Variants in FHIT observed in about 807,000 individuals in gnomAD.
The protein encoded by FHIT is fragile histidine triad diadenosine triphosphatase.
In FHIT, 19 loss-of-function variants were observed where a neutral mutation model predicts 17.9. The ratio of observed to expected loss-of-function variants is 1.06; its 90% confidence interval spans 0.74 to 1.56. The LOEUF (loss-of-function observed/expected upper bound fraction) is 1.56. Ranked by LOEUF, FHIT falls within the 40% of genes most tolerant of loss-of-function variation. The probability of loss-of-function intolerance (pLI) is 0.00; values close to 1 mark genes in which losing one functional copy is unlikely to be tolerated. For missense variants in FHIT, 248 were observed against 189.2 expected, an observed-to-expected ratio of 1.31 and a Z score of -1.82; for synonymous variants, 81 against 69.7, an observed-to-expected ratio of 1.16 and a Z score of -0.81.
At chr3:60,567,350 C>A (rs144506635) in intron 4 of FHIT, among the ~76,000 whole-genome samples, 2 of 150,136 alleles carry the variant, frequency 1.3e-5, no homozygotes, top group Admixed American at 1.3e-4. Flanking sequence ...ACAAAAGAAA[C>A]GGGGAAAGGA....
intron 4 of FHIT, among the ~76,000 whole-genome samples, chr3:60,630,181 G>A (rs1289029286): frequency 6.6e-6 from 1 of 152,096 alleles, no homozygotes; most frequent in African/African-American, 2.4e-5. Context: ...CTTCATTTTC[G>A]AAGTTATCTC....
At chr3:60,337,652 C>G (rs1253819299) in intron 5 of FHIT, among the ~76,000 whole-genome samples, 1 of 152,172 alleles carries the variant, frequency 6.6e-6, no homozygotes. Flanking sequence ...GCCGTGCTGT[C>G]TCGTACACCC....
chr3:60,405,443 C>T (rs1027841528), intron 5 of FHIT, among the ~76,000 whole-genome samples: 4 of 152,222 alleles, frequency 2.6e-5, no homozygotes, highest in Non-Finnish European at 5.9e-5. Context: ...GACCCCTCTC[C>T]ACTGAAAGCT....
rs192833515 is a variant in FHIT at position 61,030,024 on chromosome 3, C to T, written c.-111+12023G>A. 4.7e-4 allele frequency among the ~76,000 whole-genome samples: 71 copies of T among 152,304 alleles called. No homozygotes were observed. In the East Asian group the frequency reaches 9.8e-3, roughly 21 times the overall value. On this transcript the variant is annotated intron_variant, in intron 3 of 9. Coordinates refer to ENST00000492590, the MANE Select transcript of FHIT (RefSeq NM_002012.4). ...TCACTCTGTGGCCCAGGCTGGGGTG[C>T]AGTGGTACTATCTCAGCTAACTGCA...
chr3:60,833,198 T>C (rs782580753), intron 3 of FHIT, among the ~76,000 whole-genome samples: 1 of 152,136 alleles, frequency 6.6e-6, no homozygotes, highest in Non-Finnish European at 1.5e-5. Flanking sequence ...ATTATACCCA[T>C]CCTCAGCTAT....
chr3:59,832,250 C>T (rs1701189897), intron 8 of FHIT, among the ~76,000 whole-genome samples: 1 of 152,082 alleles, frequency 6.6e-6, no homozygotes. Flanking sequence ...GGGAGCAAAT[C>T]GAGGGGCAAA....
At chr3:61,049,326 T>C (rs1157413874) in intron 2 of FHIT, among the ~76,000 whole-genome samples, 1 of 151,834 alleles carries the variant, frequency 6.6e-6, no homozygotes, top group East Asian at 1.9e-4. Context: ...GTGAACTGTA[T>C]ATCAGAGTAA....
intron 5 of FHIT, among the ~76,000 whole-genome samples, chr3:60,200,151 C>G (rs1157460961): frequency 1.3e-5 from 2 of 152,092 alleles, no homozygotes; most frequent in African/African-American, 4.8e-5. Context: ...AACAGGGTGT[C>G]TCCATCCAGA....
At chr3:60,323,521 G>A (rs1288001133) in intron 5 of FHIT, among the ~76,000 whole-genome samples, 10 of 152,072 alleles carry the variant, frequency 6.6e-5, no homozygotes, top group African/African-American at 2.2e-4. Flanking sequence ...ACATCGCCCT[G>A]CAGGCTGGAA....
At chr3:61,154,271 G>A (rs1376597838) in intron 2 of FHIT, among the ~76,000 whole-genome samples, 2 of 152,224 alleles carry the variant, frequency 1.3e-5, no homozygotes, top group South Asian at 2.1e-4. Flanking sequence ...TAAATGAACC[G>A]AACATATTAC....
At chr3:61,014,807 A>AAAAAAAAAAAATAT in intron 3 of FHIT, among the ~76,000 whole-genome samples, 1 of 49,102 alleles carries the variant, frequency 2.0e-5, no homozygotes, top group African/African-American at 5.4e-5. Context: ...AAAAAAAAAA[A>AAAAAAAAAAAATAT]ATATATATAT....
At chr3:60,241,810 G>A (rs939903160) in intron 5 of FHIT, among the ~76,000 whole-genome samples, 3 of 151,906 alleles carry the variant, frequency 2.0e-5, no homozygotes, top group Non-Finnish European at 4.4e-5. Context: ...TAAGACAAAG[G>A]GACTGCTATA....
chr3:60,076,663 T>G (rs1168069002), intron 5 of FHIT, among the ~76,000 whole-genome samples: 2 of 151,868 alleles, frequency 1.3e-5, no homozygotes, highest in East Asian at 1.9e-4. Context: ...CCTAACAGAG[T>G]GATAATAATG....
intron 2 of FHIT, among the ~76,000 whole-genome samples, chr3:61,150,932 T>C (rs534701077): frequency 6.6e-6 from 1 of 152,222 alleles, no homozygotes; most frequent in Admixed American, 6.5e-5. Context: ...TACCACCAAA[T>C]TGCATTCATG....
chr3:60,256,689 G>A (rs1168605600), intron 5 of FHIT, among the ~76,000 whole-genome samples: 2 of 152,076 alleles, frequency 1.3e-5, no homozygotes, highest in East Asian at 3.9e-4. Context: ...ATCCCACCTT[G>A]GTTTAGTACC....
chr3:60,706,516 T>G (rs1202652913), intron 4 of FHIT, among the ~76,000 whole-genome samples: 1 of 152,198 alleles, frequency 6.6e-6, no homozygotes, highest in Non-Finnish European at 1.5e-5. Context: ...AGTCTTTGGG[T>G]TAGAATGAAC....
intron 5 of FHIT, among the ~76,000 whole-genome samples, chr3:60,062,452 T>TA (rs1220572359): frequency 6.6e-6 from 1 of 152,210 alleles, no homozygotes; most frequent in Non-Finnish European, 1.5e-5. Flanking sequence ...TTCCAACATT[T>TA]AAAACAATCC....
chr3:61,062,996 G>A (rs530866380), intron 2 of FHIT, among the ~76,000 whole-genome samples: 3 of 152,026 alleles, frequency 2.0e-5, no homozygotes, highest in East Asian at 1.9e-4. Flanking sequence ...CATCATCTTC[G>A]TCAAGATTAG....
intron 2 of FHIT, among the ~76,000 whole-genome samples, chr3:61,046,545 C>T (rs549365687): frequency 2.0e-5 from 3 of 152,244 alleles, no homozygotes; most frequent in East Asian, 1.9e-4. Flanking sequence ...GATTCACAGC[C>T]GAATTCTACC....
Sources: allele counts gnomAD v4.1 joint callset (sites outside exome capture counted in the v4.1 genomes callset), GRCh38; gene constraint gnomAD v4.1.1; transcripts MANE v1.5; gene names NCBI Gene and HGNC (gene_info 2026-07-23, HGNC 2026-07-21).